The following BANF2 variants were observed in gnomAD, a reference collection of about 807,000 sequenced individuals.
BANF2 encodes the protein BANF family member 2.
Under a neutral mutation model 8.0 loss-of-function variants are expected in BANF2, and 4 were observed. The ratio of observed to expected loss-of-function variants is 0.50; its 90% CI spans 0.25 to 1.14. The LOEUF is 1.14. BANF2 is among the 50% of genes most tolerant of loss of function. The pLI is 0.16. For synonymous variants in BANF2, 50 were observed against 40.6 expected, an observed-to-expected ratio of 1.23 and a Z score of -0.88; for missense variants, 96 against 107.5, an observed-to-expected ratio of 0.89 and a Z score of 0.47.
upstream of BANF2, among the ~76,000 whole-genome samples, chr20:17,699,638 G>A (rs2037381089): frequency 6.6e-6 from 1 of 152,226 alleles, no homozygotes; most frequent in Admixed American, 6.5e-5. Flanking sequence ...CTGCATGAAG[G>A]ATGGACTTGG....
At chr20:17,727,922 G>A (rs77592480) in intron 3 of BANF2, among the ~76,000 whole-genome samples, 3 of 151,920 alleles carry the variant, frequency 2.0e-5, no homozygotes, top group Non-Finnish European at 4.4e-5. Flanking sequence ...GTGTTTTTTT[G>A]TAGAGACACA....
At position 17,725,077 on chromosome 20, in the gene BANF2, G is replaced by A. The variant is rs2037786027; in HGVS notation, c.52G>A (p.Glu18Lys). ...AGCCTTCCTCTCCGAACCCATTGGA[G>A]AAAAGGATGTCTGCTGGGTGGATGG... is the stretch of plus-strand genomic sequence containing the variant. ...LRAFLSEPIGEKDVCWVDGIS... is the reference protein window; with the variant it reads ...LRAFLSEPIGKKDVCWVDGIS... Residue 18 changes from glutamate (E) to lysine (K), a missense_variant, in exon 3 of 4, where the codon GAA becomes AAA. Physicochemically the swap from Glu to Lys is moderately conservative, Grantham distance 56 (BLOSUM62 1). Coordinates refer to ENST00000246090, the MANE Select transcript of BANF2 (RefSeq NM_178477.5). The A allele has an allele frequency of 6.2e-7, 1 of 1,610,264 alleles. No homozygotes were observed. The highest frequency in any genetic ancestry group is 8.5e-7 in the Non-Finnish European group (1 of 1,176,524).
In BANF2 at chr20:17,727,806, G is replaced by A. The variant is rs187531848; in HGVS notation, c.126+2655G>A. Among the ~76,000 whole-genome samples, 640 of 152,216 alleles carry A rather than the reference G, an allele frequency of 4.2e-3. 2 individuals are homozygous for A. Among genetic ancestry groups the A allele is most frequent in the Non-Finnish European group, 6.4e-3 (437 of 67,996 alleles). On this transcript the variant is annotated intron_variant, in intron 3 of 3. Transcript: ENST00000246090. ...ATTGCGCAGGCTGGGGTTCAGTGAC[G>A]TGATCTCGGCTCACTGCAACCTCCT...
chr20:17,717,906 T>C (rs930050287), intron 1 of BANF2, among the ~76,000 whole-genome samples: 3 of 152,068 alleles, frequency 2.0e-5, no homozygotes, highest in African/African-American at 7.2e-5. Context: ...ACATGGAAAA[T>C]AAGATAATCT....
chr20:17,701,712 C>G (rs865996685), intron 1 of BANF2, among the ~76,000 whole-genome samples: 1 of 152,164 alleles, frequency 6.6e-6, no homozygotes, highest in Middle Eastern at 3.2e-3. Context: ...TGCAAACTTT[C>G]TGTTAGGCAA....
chr20:17,693,830 T>G (rs926567336), intron 1 of BANF2: 1 of 1,170,578 alleles, frequency 8.5e-7, no homozygotes, highest in African/African-American at 1.5e-5. Flanking sequence ...TCCCGAATTC[T>G]GAATTCTTTT....
chr20:17,695,033 G>A (rs2037334565), upstream of BANF2, among the ~76,000 whole-genome samples: 1 of 152,150 alleles, frequency 6.6e-6, no homozygotes, highest in African/African-American at 2.4e-5. Context: ...ATAAAACGAG[G>A]AAGTAGTGGG....
At chr20:17,719,607 G>A (rs2037701252) in intron 1 of BANF2, among the ~76,000 whole-genome samples, 1 of 151,670 alleles carries the variant, frequency 6.6e-6, no homozygotes, top group Non-Finnish European at 1.5e-5. Context: ...AGTCAACAGA[G>A]AGTAATTCTG....
chr20:17,708,069 C>G (rs1381548449), intron 1 of BANF2, among the ~76,000 whole-genome samples: 1 of 141,032 alleles, frequency 7.1e-6, no homozygotes, highest in Non-Finnish European at 1.5e-5. Context: ...AAAAAAAAAC[C>G]AAAAAGAATT....
intron 1 of BANF2, among the ~76,000 whole-genome samples, chr20:17,715,929 T>G (rs1048667863): frequency 6.6e-6 from 1 of 152,258 alleles, no homozygotes; most frequent in African/African-American, 2.4e-5. Context: ...GGACTCTGTC[T>G]CTTCCCTTCT....
intron 1 of BANF2, among the ~76,000 whole-genome samples, chr20:17,703,868 C>T (rs1320838465): frequency 2.0e-5 from 3 of 152,046 alleles, no homozygotes; most frequent in Non-Finnish European, 2.9e-5. Flanking sequence ...CTGCCTCAGC[C>T]TCCTGAGTAG....
chr20:17,735,241 T>C (rs2037960708), intron 3 of BANF2, among the ~76,000 whole-genome samples: 1 of 152,206 alleles, frequency 6.6e-6, no homozygotes. Context: ...ACTGGAGGTC[T>C]GAAGGGAGCT....
intron 1 of BANF2, among the ~76,000 whole-genome samples, chr20:17,716,841 CAAA>C (rs36007590): frequency 2.4e-3 from 213 of 89,890 alleles, no homozygotes; most frequent in African/African-American, 8.1e-3. Context: ...GACTCCATCT[CAAA>C]AAAAAAAAAA....
intron 1 of BANF2, among the ~76,000 whole-genome samples, chr20:17,694,590 T>C (rs886148379): frequency 1.3e-4 from 12 of 90,444 alleles, no homozygotes; most frequent in Non-Finnish European, 2.9e-4. Flanking sequence ...CTATTTTTGT[T>C]TTTTCTCTCT....
At chr20:17,698,636 A>C (rs2037370717), upstream of BANF2, among the ~76,000 whole-genome samples, 1 of 152,074 alleles carries the variant, frequency 6.6e-6, no homozygotes, top group South Asian at 2.1e-4. Context: ...GGCAGGGTGG[A>C]CTCCAGCAGC....
intron 1 of BANF2, among the ~76,000 whole-genome samples, chr20:17,714,421 G>A (rs2037621796): frequency 6.6e-6 from 1 of 152,168 alleles, no homozygotes; most frequent in African/African-American, 2.4e-5. Context: ...ACCAGAAATA[G>A]TCCTGGCTAG....
At chr20:17,694,897 T>C (rs867418778) in intron 1 of BANF2, among the ~76,000 whole-genome samples, 1 of 151,996 alleles carries the variant, frequency 6.6e-6, no homozygotes, top group African/African-American at 2.4e-5. Flanking sequence ...GCTGGGCTTA[T>C]AGGTGTGAGC....
At chr20:17,732,998 A>G (rs952988450) in intron 3 of BANF2, among the ~76,000 whole-genome samples, 1 of 152,140 alleles carries the variant, frequency 6.6e-6, no homozygotes, top group Non-Finnish European at 1.5e-5. Flanking sequence ...TCCCTCCTGG[A>G]AGATGCCACA....
At chr20:17,722,971 T>TGTCCTCA (rs2037754128) in intron 2 of BANF2, 93 bp downstream of exon 2, 2 of 831,840 alleles carry the variant, frequency 2.4e-6, no homozygotes, top group African/African-American at 3.7e-5. Flanking sequence ...ATGCTTACCA[T>TGTCCTCA]GTCCTCAGCA....
Sources: allele counts gnomAD v4.1 joint callset (sites outside exome capture counted in the v4.1 genomes callset), GRCh38; gene constraint gnomAD v4.1.1; transcripts MANE v1.5; gene names NCBI Gene and HGNC (gene_info 2026-07-23, HGNC 2026-07-21).